The following KIAA0586 variants were observed in gnomAD, a reference collection of about 807,000 sequenced individuals.
The protein encoded by KIAA0586 is protein TALPID3.
KIAA0586 carries 144 observed loss-of-function variants against 169.8 expected under a neutral mutation model. That is an observed-to-expected ratio of 0.85 (90% CI 0.74 to 0.97). The LOEUF is 0.97. Among genes scored for constraint, KIAA0586 ranks in the 50% least tolerant of loss-of-function variants. The pLI is 0.00. For synonymous variants in KIAA0586, 625 were observed against 612.4 expected (o/e 1.02, Z -0.30); for missense variants, 1,854 against 1,823.0 (o/e 1.02, Z -0.31).
At chr14:58,432,822 A>G (rs1342847072) in intron 4 of KIAA0586, among the ~76,000 whole-genome samples, 4 of 152,060 alleles carry the variant, frequency 2.6e-5, no homozygotes, top group Admixed American at 6.6e-5. Flanking sequence ...GGTTCAAGCA[A>G]TCTCCTGCCT....
At chr14:58,500,474 G>A (rs570255519) in intron 27 of KIAA0586, among the ~76,000 whole-genome samples, 1 of 152,250 alleles carries the variant, frequency 6.6e-6, no homozygotes, top group South Asian at 2.1e-4. Flanking sequence ...GGGAGGCCAA[G>A]GTGGCAGATC....
downstream of KIAA0586, among the ~76,000 whole-genome samples, chr14:58,555,307 G>C (rs372149124): frequency 6.6e-6 from 1 of 151,790 alleles, no homozygotes; most frequent in Admixed American, 6.6e-5. Flanking sequence ...CACCATGTTG[G>C]TCAGGCTGGT....
At chr14:58,488,497 G>A (rs1173157694) in intron 23 of KIAA0586, 124 bp from the exon 24 acceptor site, 4 of 1,039,492 alleles carry the variant, frequency 3.8e-6, no homozygotes, top group African/African-American at 3.2e-5. Flanking sequence ...GTTAATTATA[G>A]TAGTGCAGAT....
intron 25 of KIAA0586, 102 bp from the exon 26 acceptor site, chr14:58,492,042 T>A (rs1438780763): frequency 2.3e-6 from 2 of 885,574 alleles, no homozygotes; most frequent in Non-Finnish European, 3.3e-6. Context: ...AATGCTAATA[T>A]CATCATCTCA....
At chr14:58,553,236 A>T (rs1019086580), downstream of KIAA0586, among the ~76,000 whole-genome samples, 2 of 152,220 alleles carry the variant, frequency 1.3e-5, no homozygotes, top group African/African-American at 2.4e-5. Flanking sequence ...AGTATATAGA[A>T]GATGTTCAGA....
chr14:58,512,613 C>A lies in KIAA0586; in HGVS notation c.4415C>A (p.Pro1472His). Residue 1472 changes from proline (P) to histidine (H), a missense_variant, in exon 29 of 31, where the codon CCT (proline) becomes CAT (histidine). Transcript: ENST00000652326. ...LRVRNKSDIA[P>H]SQQQVSPGDM... ...GTTAGAAATAAATCTGATATTGCAC[C>A]TTCACAGCAACAAGGTAAGACTTGT... 6.7e-7 allele frequency: 1 copy of A among 1,502,064 alleles called. No individual in the cohort carries two copies. The highest frequency in any genetic ancestry group is 8.9e-7 in the Non-Finnish European group (1 of 1,124,924). 93.0% of individuals were successfully genotyped at this position (1,502,064 alleles called of 1,614,324 possible).
At chr14:58,501,281 C>T (rs145222930) in intron 27 of KIAA0586, among the ~76,000 whole-genome samples, 224 of 152,316 alleles carry the variant, frequency 1.5e-3, no homozygotes, top group African/African-American at 5.0e-3. Flanking sequence ...CCTTATTTCT[C>T]ATTTTGTACA....
chr14:58,531,558 A>G (rs1433538536), intron 29 of KIAA0586, among the ~76,000 whole-genome samples: 1 of 152,178 alleles, frequency 6.6e-6, no homozygotes, highest in East Asian at 1.9e-4. Context: ...AAGAGGATGT[A>G]GAGATATAGG....
At chr14:58,468,917 AGTAT>A (rs2040985428) in intron 16 of KIAA0586, among the ~76,000 whole-genome samples, 1 of 152,188 alleles carries the variant, frequency 6.6e-6, no homozygotes, top group Admixed American at 6.5e-5. Context: ...TGGGCAACTT[AGTAT>A]GCCCTCTGGG....
chr14:58,489,552 A>G (rs1237669200), intron 24 of KIAA0586, among the ~76,000 whole-genome samples: 3 of 151,958 alleles, frequency 2.0e-5, no homozygotes, highest in Non-Finnish European at 2.9e-5. Context: ...ACCAAATAAT[A>G]TATTGTGGAT....
In KIAA0586 at chr14:58,444,053, A is replaced by G. The variant is rs1379019734; in HGVS notation, c.685A>G (p.Thr229Ala). Residue 229 changes from threonine (T) to alanine (A), a missense_variant, in exon 6 of 31, where the codon ACA (threonine) becomes GCA (alanine). Coordinates refer to ENST00000652326, the MANE Select transcript of KIAA0586 (RefSeq NM_001329943.3). ...KHLQRVTEQQ[T>A]SIQRKQEKLH... ...CCTGCAACGTGTTACAGAGCAGCAA[A>G]CAAGCATTCAGAGGAAACAAGAGAA... The G allele has an allele frequency of 6.2e-7, 1 of 1,613,106 alleles. No individual in the cohort carries two copies. Among genetic ancestry groups the G allele is most frequent in the African/African-American group, 1.3e-5 (1 of 74,940 alleles).
chr14:58,460,553 A>G (rs2040242074), intron 13 of KIAA0586, among the ~76,000 whole-genome samples: 1 of 152,152 alleles, frequency 6.6e-6, no homozygotes, highest in African/African-American at 2.4e-5. Flanking sequence ...GCAGATCAGT[A>G]AAGCATCTAA....
intron 29 of KIAA0586, among the ~76,000 whole-genome samples, chr14:58,518,694 TATA>T (rs1265597031): frequency 6.6e-6 from 1 of 152,260 alleles, no homozygotes; most frequent in Non-Finnish European, 1.5e-5. Flanking sequence ...TCCCCACTTC[TATA>T]TGCCTACAAA....
downstream of KIAA0586, among the ~76,000 whole-genome samples, chr14:58,551,886 T>C (rs537130935): frequency 1.4e-4 from 21 of 152,332 alleles, no homozygotes; most frequent in African/African-American, 4.8e-4. Flanking sequence ...GTCCTTAATA[T>C]TTCTGCGATG....
chr14:58,428,258 C>G lies in KIAA0586; in HGVS notation c.-7C>G. 6.2e-7 allele frequency: 1 copy of G among 1,611,690 alleles called. No homozygotes were observed. Among genetic ancestry groups the G allele is most frequent in the Non-Finnish European group, 8.5e-7 (1 of 1,178,974 alleles). On this transcript the variant is annotated 5_prime_UTR_variant, in exon 1 of 31. Transcript: ENST00000652326. The stretch of plus-strand genomic sequence containing the variant: ...TTAAGTGTGGGACTTGTTTTGTGAC[C>G]AACAATATGAAAGGCTCTGAGGTCA...
At position 58,429,358 on chromosome 14, in the gene KIAA0586, G is replaced by C. The variant is rs762009563; in HGVS notation, c.200-5G>C. On this transcript the variant is annotated splice_region_variant and splice_polypyrimidine_tract_variant and intron_variant, in intron 1 of 30. Transcript: ENST00000652326. Reference sequence around the variant, plus strand: ...TCACTAAAATCTATTCCTTTGTTTTGTTAGGTTCATCAGACTTAACTTCTG... The same window carrying C: ...TCACTAAAATCTATTCCTTTGTTTTCTTAGGTTCATCAGACTTAACTTCTG... 2 of 1,554,526 alleles carry C rather than the reference G, an allele frequency of 1.3e-6. No individual in the cohort carries two copies. Among genetic ancestry groups the C allele is most frequent in the Non-Finnish European group, 1.8e-6 (2 of 1,126,290 alleles).
chr14:58,557,899 A>ATTTTTT, the KIAA0586 span, among the ~76,000 whole-genome samples: 3 of 46,602 alleles, frequency 6.4e-5, no homozygotes, highest in Admixed American at 2.7e-4. Flanking sequence ...ATCCTGAGAA[A>ATTTTTT]TCTTTTTTTT....
At position 58,428,024 on chromosome 14, in the gene KIAA0586, T is replaced by C. The variant is rs2140370028; in HGVS notation, c.-241T>C. 2 of 1,429,134 alleles carry C rather than the reference T, an allele frequency of 1.4e-6. No individual in the cohort carries two copies. The highest frequency in any genetic ancestry group is 5.1e-5 in the East Asian group (2 of 39,404). 88.5% of individuals were successfully genotyped at this position (1,429,134 alleles called of 1,614,324 possible). A position where few individuals can be genotyped will look rare whatever the true frequency, so the allele number is the denominator to read the frequency against. Reference sequence around the variant, plus strand: ...TGCTCCTGTGGCCATTCTCTTGTCATCCCCACTTTCACATTTTGGCGTGGT... The same window carrying C: ...TGCTCCTGTGGCCATTCTCTTGTCACCCCCACTTTCACATTTTGGCGTGGT... On this transcript the variant is annotated 5_prime_UTR_variant, in exon 1 of 31. Coordinates refer to ENST00000652326, the MANE Select transcript of KIAA0586 (RefSeq NM_001329943.3).
intron 28 of KIAA0586, among the ~76,000 whole-genome samples, chr14:58,509,524 A>G (rs1028116679): frequency 2.6e-5 from 4 of 152,164 alleles, no homozygotes; most frequent in African/African-American, 9.7e-5. Context: ...TTATTTGTGT[A>G]TTGGCAATTC....
Sources: gnomAD v4.1 joint callset for allele counts (sites outside exome capture counted in the v4.1 genomes callset) on GRCh38, gnomAD v4.1.1 for gene constraint, MANE v1.5 for transcripts, NCBI Gene and HGNC (gene_info 2026-07-23, HGNC 2026-07-21) for gene names.